The following CPEB4 variants were observed in gnomAD, a reference collection of about 807,000 sequenced individuals.
CPEB4 encodes the protein cytoplasmic polyadenylation element binding protein 4.
CPEB4 carries 12 observed loss-of-function variants against 72.5 expected under a neutral mutation model. That is an observed-to-expected ratio of 0.17 (90% CI 0.11 to 0.27). CPEB4 has a LOEUF of 0.27. CPEB4 is among the 10% of genes least tolerant of loss of function. The pLI, the probability that CPEB4 is intolerant of heterozygous loss-of-function variation, is 1.00. For missense variants in CPEB4, 614 were observed against 908.5 expected, an observed-to-expected ratio of 0.68 and a Z score of 4.17; for synonymous variants, 302 against 326.3, an observed-to-expected ratio of 0.93 and a Z score of 0.80.
At position 173,950,016 on chromosome 5, in the gene CPEB4, T is replaced by C; in HGVS notation, c.1603T>C (p.Cys535Arg). ...ESSVQALIDA[C>R]IEEDGKLYLC... The stretch of plus-strand genomic sequence containing the variant: ...CTCTGTGCAGGCTCTCATTGATGCA[T>C]GCATTGAAGAAGATGGAAAACTCTA... The change falls in exon 7 of 10, where the codon TGC becomes CGC. Residue 535 changes from cysteine (C) to arginine (R), a missense_variant. Physicochemically the swap from Cys to Arg is radical, Grantham distance 180. Transcript: ENST00000265085. The surrounding 1 kb of genome is among the most constrained non-coding windows in gnomAD (Gnocchi z 5.0). 1 of 1,612,696 alleles carries C rather than the reference T, an allele frequency of 6.2e-7. No individual in the cohort carries two copies. The highest frequency in any genetic ancestry group is 8.5e-7 in the Non-Finnish European group (1 of 1,179,432).
chr5:173,953,261 A>C lies in CPEB4; in HGVS notation c.1951A>C (p.Ile651Leu). The change falls in exon 9 of 10, where the codon ATA becomes CTA. Residue 651 changes from isoleucine (I) to leucine (L), a missense_variant. Around this residue, in one of 5 missense-constraint regions of CPEB4, gnomAD observed 101 missense variants for 243.1 expected, o/e 0.42. Coordinates refer to ENST00000265085, the MANE Select transcript of CPEB4 (RefSeq NM_030627.4). ...CTTTGTTCAGCTGCAGCATGGAGAGATAGATAAACGGGTAAGCCTTATACT... is the reference window on the plus strand; with the variant it reads ...CTTTGTTCAGCTGCAGCATGGAGAGCTAGATAAACGGGTAAGCCTTATACT... Reference protein sequence around the residue: ...ARFVQLQHGEIDKRVEVKPYV... With the variant: ...ARFVQLQHGELDKRVEVKPYV... 1.3e-6 allele frequency: 2 copies of C among 1,595,680 alleles called. No individual in the cohort carries two copies. The highest frequency in any genetic ancestry group is 1.7e-6 in the Non-Finnish European group (2 of 1,169,454).
intron 1 of CPEB4, among the ~76,000 whole-genome samples, chr5:173,895,394 TAA>T (rs1258738010): frequency 6.6e-6 from 1 of 152,208 alleles, no homozygotes; most frequent in Non-Finnish European, 1.5e-5. Flanking sequence ...TTTCATTAGC[TAA>T]GAGTCAGGTA....
At chr5:173,904,563 C>T (rs571112683) in intron 1 of CPEB4, among the ~76,000 whole-genome samples, 11 of 152,226 alleles carry the variant, frequency 7.2e-5, no homozygotes, top group African/African-American at 2.6e-4. Flanking sequence ...TATTTGAGTG[C>T]CTACTGTTTG....
chr5:173,923,152 A>G (rs1757129987), intron 2 of CPEB4, among the ~76,000 whole-genome samples: 1 of 152,232 alleles, frequency 6.6e-6, no homozygotes, highest in Non-Finnish European at 1.5e-5. Flanking sequence ...CATGTTAAGT[A>G]AGTGACTAGA....
chr5:173,898,794 A>G (rs1756119354), intron 1 of CPEB4, among the ~76,000 whole-genome samples: 1 of 152,196 alleles, frequency 6.6e-6, no homozygotes, highest in South Asian at 2.1e-4. Context: ...CTCGTGCCTC[A>G]GCCTCTCCAG....
intron 1 of CPEB4, among the ~76,000 whole-genome samples, chr5:173,909,463 T>C (rs1581121816): frequency 6.6e-6 from 1 of 152,080 alleles, no homozygotes; most frequent in Admixed American, 6.5e-5. Flanking sequence ...GTGACAGTAA[T>C]GAGAGCAGCT....
At chr5:173,922,859 C>T (rs185052847) in intron 2 of CPEB4, among the ~76,000 whole-genome samples, 1 of 152,238 alleles carries the variant, frequency 6.6e-6, no homozygotes, top group East Asian at 1.9e-4. Context: ...CAGGCATCTA[C>T]TGTGCACCAG....
At chr5:173,952,427 T>A (rs1283714327) in intron 8 of CPEB4, among the ~76,000 whole-genome samples, 1 of 152,202 alleles carries the variant, frequency 6.6e-6, no homozygotes, top group Non-Finnish European at 1.5e-5. Flanking sequence ...ATGCATCAGA[T>A]TTTTAGGGTA....
intron 2 of CPEB4, among the ~76,000 whole-genome samples, chr5:173,915,418 C>T (rs986199471): frequency 3.9e-5 from 6 of 152,116 alleles, no homozygotes; most frequent in Non-Finnish European, 7.3e-5. Context: ...TTCCTTATCT[C>T]CCTGTCCTTT....
rs760270553 is a variant in CPEB4 at position 173,910,567 on chromosome 5, C to G, written c.1170C>G (p.Leu390=). 2 of 1,613,272 alleles carry G rather than the reference C, an allele frequency of 1.2e-6. No individual in the cohort carries two copies. Among genetic ancestry groups the G allele is most frequent in the South Asian group, 2.2e-5 (2 of 91,058 alleles). ...ACATGCACTCACTGGAGAGTTCACTCATTGACATAATGAGAGCTGAAAATG... is the reference window on the plus strand; with the variant it reads ...ACATGCACTCACTGGAGAGTTCACTGATTGACATAATGAGAGCTGAAAATG... ...TFDMHSLESS[L]IDIMRAENDT... The change falls in exon 2 of 10, where the codon CTC becomes CTG. Residue 390 remains leucine, a synonymous_variant. Coordinates refer to ENST00000265085, the MANE Select transcript of CPEB4 (RefSeq NM_030627.4).
Position 173,888,419 on chromosome 5 carries a change from C to T in CPEB4, c.-1315C>T, listed in dbSNP as rs1755684465. ...CCCGGGCACCGGGAGGCGGTGGCGG[C>T]GGCGGCGGCGGCAGCAGCGGCGACA... On this transcript the variant is annotated 5_prime_UTR_variant, in exon 1 of 10. Transcript: ENST00000265085. This position sits in a 1 kb window ranked among gnomAD's most constrained non-coding sequence, Gnocchi z 4.3. The T allele has an allele frequency of 4.4e-6, 2 of 457,576 alleles. No individual in the cohort carries two copies. The highest frequency in any genetic ancestry group is 5.3e-5 in the South Asian group (1 of 18,766). The allele number at this position is 457,576 out of a possible 1,614,324, so 28.3% of individuals were successfully genotyped here.
chr5:173,924,892 A>G (rs1209784432), intron 2 of CPEB4, among the ~76,000 whole-genome samples: 2 of 152,230 alleles, frequency 1.3e-5, no homozygotes, highest in African/African-American at 4.8e-5. Context: ...TCATTGCCCT[A>G]CAGCAAGAGA....
rs1758554671 is a variant in CPEB4, at chr5:173,961,677, T to C, written c.*5540T>C. 6.6e-6 allele frequency: 1 copy of C among 152,090 alleles called. No homozygotes were observed. The highest frequency in any genetic ancestry group is 2.4e-5 in the African/African-American group (1 of 41,422). The allele number at this position is 152,090 out of a possible 1,614,324, so 9.4% of individuals were successfully genotyped here. On this transcript the variant is annotated 3_prime_UTR_variant, in exon 10 of 10. Coordinates refer to ENST00000265085, the MANE Select transcript of CPEB4 (RefSeq NM_030627.4). ...AACCCCTTTTGGTAATGGGTGTTTGTGTCCACAGCTAGATCAGAAAGTAAG... is the reference window on the plus strand; with the variant it reads ...AACCCCTTTTGGTAATGGGTGTTTGCGTCCACAGCTAGATCAGAAAGTAAG...
At chr5:173,893,494 A>C (rs1046855862) in intron 1 of CPEB4, among the ~76,000 whole-genome samples, 4 of 152,204 alleles carry the variant, frequency 2.6e-5, no homozygotes, top group Non-Finnish European at 4.4e-5. Flanking sequence ...AATTTTAGGA[A>C]AGAAATTTTA....
chr5:173,941,692 G>A (rs1757848843), intron 3 of CPEB4, among the ~76,000 whole-genome samples: 1 of 151,946 alleles, frequency 6.6e-6, no homozygotes. Flanking sequence ...GGCCAACATA[G>A]TGAAACCCCA....
At chr5:173,948,213 G>A (rs1483845783) in intron 5 of CPEB4, among the ~76,000 whole-genome samples, 1 of 152,142 alleles carries the variant, frequency 6.6e-6, no homozygotes, top group Non-Finnish European at 1.5e-5. Flanking sequence ...TCATTATTTG[G>A]CAACCATTAT....
At chr5:173,905,017 A>G (rs1450210082) in intron 1 of CPEB4, among the ~76,000 whole-genome samples, 234 of 33,182 alleles carry the variant, frequency 7.1e-3, no homozygotes, top group African/African-American at 0.024. Flanking sequence ...TAATAATAAT[A>G]AAAAAATGTA....
intron 1 of CPEB4, among the ~76,000 whole-genome samples, chr5:173,906,105 A>G (rs1257096952): frequency 6.6e-6 from 1 of 152,218 alleles, no homozygotes; most frequent in Admixed American, 6.5e-5. Flanking sequence ...TGGATTCTAG[A>G]AAATAGGTCA....
intron 5 of CPEB4, among the ~76,000 whole-genome samples, chr5:173,945,432 G>T (rs112960755): frequency 6.6e-6 from 1 of 152,162 alleles, no homozygotes; most frequent in Non-Finnish European, 1.5e-5. Context: ...TACTAACTGC[G>T]TTTTTGTCTG....
Sources: gnomAD v4.1 joint callset for allele counts (sites outside exome capture counted in the v4.1 genomes callset) on GRCh38, gnomAD v4.1.1 for gene constraint, gnomAD v4.1.1 regional missense constraint, Gnocchi (gnomAD v3.1) non-coding constraint, MANE v1.5 for transcripts, NCBI Gene and HGNC (gene_info 2026-07-23, HGNC 2026-07-21) for gene names.